Variants in HIP1 observed in about 807,000 individuals in gnomAD.
HIP1 encodes the protein huntingtin interacting protein 1.
A neutral mutation model predicts 147.6 loss-of-function variants in HIP1; 65 were observed. That is an observed-to-expected ratio of 0.44 (90% CI 0.36 to 0.54). HIP1 has a LOEUF of 0.54. Among genes scored for constraint, HIP1 ranks in the 20% least tolerant of loss-of-function variants. The probability of loss-of-function intolerance (pLI) is 0.00; values close to 1 mark genes in which losing one functional copy is unlikely to be tolerated. For missense variants in HIP1, 1,061 were observed against 1,299.6 expected (o/e 0.82, Z 2.82); for synonymous variants, 479 against 504.0 (o/e 0.95, Z 0.67).
intron 1 of HIP1, among the ~76,000 whole-genome samples, chr7:75,637,528 C>A (rs1798463032): frequency 7.4e-6 from 1 of 134,378 alleles, no homozygotes; most frequent in African/African-American, 2.7e-5. Context: ...CCCATAGCTG[C>A]AGAGAGGATT....
At chr7:75,574,448 G>A (rs1167356086) in intron 7 of HIP1, among the ~76,000 whole-genome samples, 2 of 151,716 alleles carry the variant, frequency 1.3e-5, no homozygotes, top group African/African-American at 4.8e-5. Context: ...AATTAGCTGG[G>A]CATGGTGGCA....
rs782657263 is a variant in HIP1 at position 75,555,545 on chromosome 7, T to C, written c.1834A>G (p.Met612Val). ...CGTTGGTCTTTGGCAAGCTGGCACATAGATTCCTAAAAATGGTCCAGGGAG... is the reference window on the plus strand; with the variant it reads ...CGTTGGTCTTTGGCAAGCTGGCACACAGATTCCTAAAAATGGTCCAGGGAG... Reference protein sequence around the residue: ...QLKLASTEESMCQLAKDQRKM... With the variant: ...QLKLASTEESVCQLAKDQRKM... The change falls in exon 19 of 31, where the codon ATG becomes GTG. Residue 612 changes from methionine (M) to valine (V), a missense_variant. Around this residue, in one of 3 missense-constraint regions of HIP1, gnomAD observed 810 missense variants for 946.8 expected, o/e 0.86. Transcript: ENST00000336926. 28 of 1,614,028 alleles carry C rather than the reference T, an allele frequency of 1.7e-5. No individual in the cohort carries two copies. The East Asian group carries it at 5.3e-4, about 31-fold the overall frequency.
intron 1 of HIP1, among the ~76,000 whole-genome samples, chr7:75,733,043 G>C (rs1801887624): frequency 6.6e-6 from 1 of 152,216 alleles, no homozygotes; most frequent in Admixed American, 6.5e-5. Flanking sequence ...GGATGTTGAA[G>C]AAATAAACAA....
At chr7:75,577,129 C>T (rs1795870600) in intron 7 of HIP1, among the ~76,000 whole-genome samples, 1 of 151,676 alleles carries the variant, frequency 6.6e-6, no homozygotes, top group South Asian at 2.1e-4. Context: ...CTCAGGAGTT[C>T]GAGACCAGCC....
Position 75,677,143 on chromosome 7 carries a change from C to T in HIP1, c.120+61658G>A, listed in dbSNP as rs2525474. ...CTGGGAGACGGAGGTTGCAGTGGGC[C>T]GAGATCGTGCCATTGCACTCCAGTC... On this transcript the variant is annotated intron_variant, in intron 1 of 30. Coordinates refer to ENST00000336926, the MANE Select transcript of HIP1 (RefSeq NM_005338.7). 8.9e-3 allele frequency among the ~76,000 whole-genome samples: 1,349 copies of T among 151,296 alleles called. 20 individuals are homozygous for T. Among genetic ancestry groups the T allele is most frequent in the African/African-American group, 0.031 (1,274 of 41,214 alleles).
intron 2 of HIP1, among the ~76,000 whole-genome samples, chr7:75,596,684 C>T (rs1554502025): frequency 6.6e-6 from 1 of 152,210 alleles, no homozygotes; most frequent in African/African-American, 2.4e-5. Flanking sequence ...CCACACCTGG[C>T]CTGAAATCTT....
intron 30 of HIP1, among the ~76,000 whole-genome samples, chr7:75,538,812 G>A (rs1794188944): frequency 6.6e-6 from 1 of 151,254 alleles, no homozygotes; most frequent in Admixed American, 6.6e-5. Flanking sequence ...CTGACCTCGT[G>A]ATCCGCCCGC....
chr7:75,703,864 T>G (rs571236157), intron 1 of HIP1, among the ~76,000 whole-genome samples: 3 of 152,164 alleles, frequency 2.0e-5, no homozygotes, highest in African/African-American at 7.2e-5. Context: ...AGGACCAAAG[T>G]TGAGACCACT....
chr7:75,738,772 AG>A, intron 1 of HIP1, 28 bp downstream of exon 1: 1 of 1,594,166 alleles, frequency 6.3e-7, no homozygotes, highest in Non-Finnish European at 8.5e-7. Context: ...AGGGTGCCCC[AG>A]GGATGCCCCG....
chr7:75,735,288 G>A (rs1554523520), intron 1 of HIP1, among the ~76,000 whole-genome samples: 1 of 152,142 alleles, frequency 6.6e-6, no homozygotes, highest in Non-Finnish European at 1.5e-5. Flanking sequence ...GAGGCAGTGG[G>A]TAAAGGTTGA....
chr7:75,612,744 G>A (rs1036057400), intron 1 of HIP1, among the ~76,000 whole-genome samples: 4 of 152,084 alleles, frequency 2.6e-5, no homozygotes, highest in African/African-American at 9.7e-5. Context: ...AGGAGATGGA[G>A]GTTGCAGTGA....
chr7:75,711,581 T>C (rs1026262922), intron 1 of HIP1, among the ~76,000 whole-genome samples: 1 of 152,108 alleles, frequency 6.6e-6, no homozygotes, highest in Non-Finnish European at 1.5e-5. Flanking sequence ...GAAGGGACAT[T>C]TGAGATCAAA....
intron 1 of HIP1, among the ~76,000 whole-genome samples, chr7:75,605,565 C>T (rs987042630): frequency 1.3e-5 from 2 of 152,134 alleles, no homozygotes; most frequent in Non-Finnish European, 2.9e-5. Flanking sequence ...CGGAGTCTTG[C>T]CCTGTCGCCC....
intron 1 of HIP1, among the ~76,000 whole-genome samples, chr7:75,600,173 TG>T (rs1796923121): frequency 6.6e-6 from 1 of 150,848 alleles, no homozygotes; most frequent in Non-Finnish European, 1.5e-5. Flanking sequence ...TGCAGTGGTG[TG>T]ATCGTGGCTC....
At chr7:75,653,748 T>C (rs1799065835) in intron 1 of HIP1, among the ~76,000 whole-genome samples, 1 of 151,786 alleles carries the variant, frequency 6.6e-6, no homozygotes, top group East Asian at 1.9e-4. Flanking sequence ...TAATCCCAGC[T>C]ACTTGGGAGG....
chr7:75,727,572 G>A (rs1401133308), intron 1 of HIP1, among the ~76,000 whole-genome samples: 3 of 152,186 alleles, frequency 2.0e-5, no homozygotes, highest in Non-Finnish European at 2.9e-5. Flanking sequence ...AAGGCTGGGC[G>A]CAGTGGCTCA....
At chr7:75,556,680 T>C (rs1332037176) in intron 17 of HIP1, 30 bp downstream of exon 17, 5 of 1,339,342 alleles carry the variant, frequency 3.7e-6, no homozygotes, top group East Asian at 2.3e-5. Flanking sequence ...AAGAAGACTC[T>C]ATCTCCAAAA....
intron 1 of HIP1, among the ~76,000 whole-genome samples, chr7:75,614,456 C>T (rs1402265653): frequency 6.6e-6 from 1 of 151,944 alleles, no homozygotes; most frequent in Non-Finnish European, 1.5e-5. Context: ...ATGAAAGAAA[C>T]CAGACATGAA....
chr7:75,559,869 T>C lies in HIP1; in HGVS notation c.1238A>G (p.Glu413Gly). 6.2e-7 allele frequency: 1 copy of C among 1,611,552 alleles called. No individual in the cohort carries two copies. The highest frequency in any genetic ancestry group is 8.5e-7 in the Non-Finnish European group (1 of 1,179,628). The change falls in exon 14 of 31, where the codon GAA (glutamate) becomes GGA (glycine). Residue 413 changes from glutamate (E) to glycine (G), a missense_variant. Glu to Gly is a moderately conservative substitution (Grantham distance 98). Coordinates refer to ENST00000336926, the MANE Select transcript of HIP1 (RefSeq NM_005338.7). ...LQLKGHVSEL[E>G]ADLAEQQHLR... Reference sequence around the variant, plus strand: ...GTGCTGCTGCTCGGCCAGATCTGCTTCCAGCTCGCTGACGTGGCCCTTCAG... The same window carrying C: ...GTGCTGCTGCTCGGCCAGATCTGCTCCCAGCTCGCTGACGTGGCCCTTCAG...
Sources: allele counts gnomAD v4.1 joint callset (sites outside exome capture counted in the v4.1 genomes callset), GRCh38; gene constraint gnomAD v4.1.1; regional missense constraint gnomAD v4.1.1; transcripts MANE v1.5; gene names NCBI Gene and HGNC (gene_info 2026-07-23, HGNC 2026-07-21).